The following ACTR1A variants were observed in gnomAD, a reference collection of about 807,000 sequenced individuals.
ACTR1A encodes actin related protein 1A.
ACTR1A carries 10 observed loss-of-function variants against 50.7 expected under a neutral mutation model. The observed-to-expected ratio is 0.20, with a 90% confidence interval of 0.12 to 0.33. The LOEUF is 0.33. ACTR1A is among the 10% of genes least tolerant of loss of function. The pLI, the probability that ACTR1A is intolerant of heterozygous loss-of-function variation, is 1.00. For synonymous variants in ACTR1A, 177 were observed against 184.2 expected, an observed-to-expected ratio of 0.96 and a Z score of 0.32; for missense variants, 253 against 491.7, an observed-to-expected ratio of 0.51 and a Z score of 4.59.
At chr10:102,489,257 C>T (rs2062181750) in intron 2 of ACTR1A, 119 bp from the exon 3 acceptor site, 2 of 605,110 alleles carry the variant, frequency 3.3e-6, no homozygotes, top group African/African-American at 3.8e-5. Flanking sequence ...AGTGAAGTCA[C>T]AGTTGATTTT....
Position 102,479,288 on chromosome 10 carries a change from TTGTGCGAGGC to T in ACTR1A, c.*1565_*1574del. ...ACTGGGCCCCACCAGGCAATGTGGTTTGTGCGAGGCTGTGCGAGGGACAGGCTTGGGCTAA... is the reference window on the plus strand; with the variant it reads ...ACTGGGCCCCACCAGGCAATGTGGTTTGTGCGAGGGACAGGCTTGGGCTAA... On this transcript the variant is annotated 3_prime_UTR_variant, in exon 11 of 11. Transcript: ENST00000369905. This position sits in a 1 kb window ranked among gnomAD's most constrained non-coding sequence, Gnocchi z 4.0. 2.1e-6 allele frequency: 1 copy of T among 482,528 alleles called. No homozygotes were observed. The highest frequency in any genetic ancestry group is 1.8e-5 in the South Asian group (1 of 55,320). 29.9% of individuals were successfully genotyped at this position (482,528 alleles called of 1,614,324 possible). A position where few individuals can be genotyped will look rare whatever the true frequency, so the allele number is the denominator to read the frequency against.
Position 102,481,894 on chromosome 10 carries a change from A to G in ACTR1A, c.930T>C (p.Phe310=), listed in dbSNP as rs1223988168. 4.3e-6 allele frequency: 7 copies of G among 1,612,936 alleles called. 1 individual carries two copies. The South Asian group carries it at 7.7e-5, about 18-fold the overall frequency. The change falls in exon 9 of 11, where the codon TTT becomes TTC. Residue 310 remains phenylalanine, a synonymous_variant. Coordinates refer to ENST00000369905, the MANE Select transcript of ACTR1A (RefSeq NM_005736.4). Reference sequence around the variant, plus strand: ...TCACTTCACTCAGGAGCCTGTCACCAAAACCTGAATGGGCAAAGAGGAGAA... The same window carrying G: ...TCACTTCACTCAGGAGCCTGTCACCGAAACCTGAATGGGCAAAGAGGAGAA... The part of the protein sequence containing the change: ...LSGGSTLFKG[F]GDRLLSEVKK...
At position 102,479,471 on chromosome 10, in the gene ACTR1A, G is replaced by A; in HGVS notation, c.*1392C>T. On this transcript the variant is annotated 3_prime_UTR_variant, in exon 11 of 11. Coordinates refer to ENST00000369905, the MANE Select transcript of ACTR1A (RefSeq NM_005736.4). The surrounding 1 kb of genome is among the most constrained non-coding windows in gnomAD (Gnocchi z 4.0). ...GAATACTGTGTGAAGTCTGGGATTG[G>A]GGTGGGTCTTGGTGTCACAGGTGAG... 1 of 459,304 alleles carries A rather than the reference G, an allele frequency of 2.2e-6. No homozygotes were observed. Among genetic ancestry groups the A allele is most frequent in the Non-Finnish European group, 3.7e-6 (1 of 266,754 alleles). The allele number at this position is 459,304 out of a possible 1,614,324, so 28.5% of individuals were successfully genotyped here. A position where few individuals can be genotyped will look rare whatever the true frequency, so the allele number is the denominator to read the frequency against.
chr10:102,485,571 T>A (rs1432072627), intron 5 of ACTR1A, 38 bp downstream of exon 5: 20 of 1,610,588 alleles, frequency 1.2e-5, no homozygotes, highest in Non-Finnish European at 1.5e-5. Context: ...AAAGGACTGC[T>A]TTCCCCGCAG....
intron 1 of ACTR1A, among the ~76,000 whole-genome samples, chr10:102,493,001 CAAAAAAAA>C (rs398014648): frequency 2.0e-5 from 1 of 48,936 alleles, no homozygotes; most frequent in East Asian, 6.3e-4. Context: ...GACTCCACCT[CAAAAAAAA>C]AAAAAAAAAA....
At chr10:102,490,689 T>C (rs1262100203) in intron 1 of ACTR1A, 76 bp from the exon 2 acceptor site, 5 of 1,263,212 alleles carry the variant, frequency 4.0e-6, no homozygotes, top group Non-Finnish European at 5.7e-6. Flanking sequence ...TATGGTACCA[T>C]TTTTATTTAA....
At position 102,484,148 on chromosome 10, in the gene ACTR1A, G is replaced by A. The variant is rs935029284; in HGVS notation, c.657+12C>T. 3 of 1,613,664 alleles carry A rather than the reference G, an allele frequency of 1.9e-6. No individual in the cohort carries two copies. The highest frequency in any genetic ancestry group is 2.5e-6 in the Non-Finnish European group (3 of 1,179,668). The stretch of plus-strand genomic sequence containing the variant: ...CCCCACTCCATCCCTAGGCCCAGGG[G>A]GCAGCACTTACTTCTTTTATGGCCT... On this transcript the variant is annotated intron_variant, in intron 6 of 10. Coordinates refer to ENST00000369905, the MANE Select transcript of ACTR1A (RefSeq NM_005736.4).
chr10:102,490,704 A>C, intron 1 of ACTR1A, 91 bp from the exon 2 acceptor site: 1 of 1,130,470 alleles, frequency 8.8e-7, no homozygotes. Context: ...ATTTAAGAAA[A>C]GAAAGCGGCC....
intron 1 of ACTR1A, among the ~76,000 whole-genome samples, chr10:102,499,524 T>C (rs1047105517): frequency 4.6e-5 from 7 of 152,278 alleles, no homozygotes; most frequent in African/African-American, 1.4e-4. Flanking sequence ...ACTGCTGTAA[T>C]GCATTTCGAA....
At position 102,485,696 on chromosome 10, in the gene ACTR1A, C is replaced by T. The variant is rs11546972; in HGVS notation, c.353G>A (p.Arg118Gln). Residue 118 changes from arginine (R) to glutamine (Q), a missense_variant, in exon 5 of 11, where the codon CGA becomes CAA. By Grantham distance (43) the Arg-to-Gln change is conservative. Transcript: ENST00000369905. The stretch of plus-strand genomic sequence containing the variant: ...TTCGGCAGCTCGTTCCCGGTTTTTT[C>T]GTGGGTTTAAAGGCGCCTCAGTCAG... The part of the protein sequence containing the change: ...VLLTEAPLNP[R>Q]KNRERAAEVF... The T allele has an allele frequency of 4.3e-6, 7 of 1,613,992 alleles. No homozygotes were observed. Among genetic ancestry groups the T allele is most frequent in the African/African-American group, 2.7e-5 (2 of 75,032 alleles).
intron 1 of ACTR1A, among the ~76,000 whole-genome samples, chr10:102,495,134 G>A (rs895882398): frequency 2.0e-5 from 3 of 151,956 alleles, no homozygotes; most frequent in African/African-American, 4.8e-5. Context: ...AAAATTACTC[G>A]GGTGTGGTGG....
At position 102,482,437 on chromosome 10, in the gene ACTR1A, G is replaced by A; in HGVS notation, c.751-262C>T. 1 of 513,682 alleles carries A rather than the reference G, an allele frequency of 1.9e-6. No homozygotes were observed. Among genetic ancestry groups the A allele is most frequent in the Non-Finnish European group, 3.5e-6 (1 of 288,000 alleles). 31.8% of individuals were successfully genotyped at this position (513,682 alleles called of 1,614,324 possible). On this transcript the variant is annotated intron_variant, in intron 7 of 10. Transcript: ENST00000369905. This position sits in a 1 kb window ranked among gnomAD's most constrained non-coding sequence, Gnocchi z 5.6. ...TTGGCATCAGTACATGGATTTATTT[G>A]CTCATGGAAACGTCTTCCTAGCAAT...
Position 102,481,118 on chromosome 10 carries a change from G to A in ACTR1A, c.1028+14C>T. 1 of 1,607,512 alleles carries A rather than the reference G, an allele frequency of 6.2e-7. No homozygotes were observed. The highest frequency in any genetic ancestry group is 8.5e-7 in the Non-Finnish European group (1 of 1,175,986). On this transcript the variant is annotated intron_variant, in intron 10 of 10. Transcript: ENST00000369905. ...ACTTCCTGTTCTGTTCTTACTCCTG[G>A]AAGAGCTACTCACCCAATCCACGTG...
intron 1 of ACTR1A, among the ~76,000 whole-genome samples, chr10:102,495,507 T>A (rs1486288293): frequency 6.6e-6 from 1 of 150,590 alleles, no homozygotes; most frequent in East Asian, 2.0e-4. Flanking sequence ...AGGCGGAGCT[T>A]GTAGTGAGCA....
intron 6 of ACTR1A, chr10:102,483,769 C>T (rs781237100): frequency 4.3e-5 from 8 of 187,364 alleles, no homozygotes; most frequent in East Asian, 1.3e-4. Context: ...TGCTTGAACC[C>T]GGGAGGCAGA....
chr10:102,483,140 A>G, intron 6 of ACTR1A, 37 bp from the exon 7 acceptor site: 2 of 1,502,690 alleles, frequency 1.3e-6, no homozygotes, highest in Non-Finnish European at 1.9e-6. Flanking sequence ...CTGGCAGGAA[A>G]TCTGGTGCAC....
At chr10:102,490,412 T>C (rs1761576381) in intron 2 of ACTR1A, 137 bp downstream of exon 2, 1 of 539,924 alleles carries the variant, frequency 1.9e-6, no homozygotes, top group Admixed American at 3.6e-5. Flanking sequence ...AGGCCTCTTA[T>C]CTGTGCCTCT....
At position 102,490,626 on chromosome 10, in the gene ACTR1A, G is replaced by A; in HGVS notation, c.49-13C>T. ...TCACACCGGATCCCTGAGGAAAGAG[G>A]AGAGAGAATGAGGAGTCAGAACTAT... is the stretch of plus-strand genomic sequence containing the variant. On this transcript the variant is annotated splice_polypyrimidine_tract_variant and intron_variant, in intron 1 of 10. Transcript: ENST00000369905. 2 of 1,601,216 alleles carry A rather than the reference G, an allele frequency of 1.2e-6. No individual in the cohort carries two copies. The highest frequency in any genetic ancestry group is 1.1e-5 in the South Asian group (1 of 90,834).
chr10:102,499,141 T>G (rs2062235883), intron 1 of ACTR1A, among the ~76,000 whole-genome samples: 1 of 152,212 alleles, frequency 6.6e-6, no homozygotes, highest in African/African-American at 2.4e-5. Context: ...CCTGCATTCT[T>G]TTGATTATAC....
Sources: gnomAD v4.1 joint callset for allele counts (sites outside exome capture counted in the v4.1 genomes callset) on GRCh38, gnomAD v4.1.1 for gene constraint, Gnocchi (gnomAD v3.1) non-coding constraint, MANE v1.5 for transcripts, NCBI Gene and HGNC (gene_info 2026-07-23, HGNC 2026-07-21) for gene names.